NEXMIF: variants seen among roughly 807,000 people sequenced by gnomAD.
NEXMIF encodes neurite extension and migration factor.
Under a neutral mutation model 62.1 loss-of-function variants are expected in NEXMIF, and 8 were observed. The observed-to-expected ratio is 0.13, with a 90% CI of 0.08 to 0.23. NEXMIF has a LOEUF of 0.23. Ranked by LOEUF, NEXMIF falls within the 10% of genes least tolerant of loss-of-function variation. The pLI, the probability that NEXMIF is intolerant of heterozygous loss-of-function variation, is 1.00. For missense variants in NEXMIF, 976 were observed against 1,113.3 expected (o/e 0.88, Z 1.75); for synonymous variants, 404 against 416.6 (o/e 0.97, Z 0.37).
At chrX:74,802,106 T>A (rs143297802) in intron 1 of NEXMIF, among the ~76,000 whole-genome samples, 242 of 112,248 alleles carry the variant, frequency 2.2e-3, no homozygotes, top group African/African-American at 7.5e-3. Flanking sequence ...GTACAGCACC[T>A]CTGGACCTGC....
intron 1 of NEXMIF, among the ~76,000 whole-genome samples, chrX:74,890,009 C>CCTCTCTCT (rs72396692): frequency 1.0e-5 from 1 of 95,477 alleles, no homozygotes; most frequent in African/African-American, 3.7e-5. Context: ...TCTCTCTCTC[C>CCTCTCTCT]CTCTCTCTCT....
At chrX:74,862,851 A>C (rs2080562927) in intron 1 of NEXMIF, among the ~76,000 whole-genome samples, 1 of 111,395 alleles carries the variant, frequency 9.0e-6, no homozygotes, top group Non-Finnish European at 1.9e-5. Context: ...TTAAAAGGGA[A>C]ATTTATAGCA....
At chrX:74,852,234 T>A (rs1458047679) in intron 1 of NEXMIF, among the ~76,000 whole-genome samples, 1 of 111,822 alleles carries the variant, frequency 8.9e-6, no homozygotes, top group Non-Finnish European at 1.9e-5. Context: ...GGTCAATATA[T>A]AATGATACAG....
rs1378335383 is a variant in NEXMIF at position 74,881,417 on chromosome X, CACACACAG to C, written c.-48+43458_-48+43465del. Among the ~76,000 whole-genome samples the C allele has an allele frequency of 7.7e-5, 8 of 103,346 alleles. No individual in the cohort carries two copies. The East Asian group carries it at 2.8e-3, about 36-fold the overall frequency. 89.7% of individuals were successfully genotyped at this position (103,346 alleles called of 115,157 possible). A position where few individuals can be genotyped will look rare whatever the true frequency, so the allele number is the denominator to read the frequency against. On this transcript the variant is annotated intron_variant, in intron 1 of 3. Transcript: ENST00000055682. The stretch of plus-strand genomic sequence containing the variant: ...GCACACACACACACACACACACACA[CACACACAG>C]AGCAAATACAGGGGAAAAAGGCAGA...
At chrX:74,885,708 C>T (rs1000495502) in intron 1 of NEXMIF, among the ~76,000 whole-genome samples, 2 of 111,849 alleles carry the variant, frequency 1.8e-5, no homozygotes, top group Non-Finnish European at 1.9e-5. Flanking sequence ...CAGCTGAATT[C>T]TACCAGAGGT....
intron 1 of NEXMIF, among the ~76,000 whole-genome samples, chrX:74,882,064 A>G (rs1412544550): frequency 9.0e-6 from 1 of 111,585 alleles, no homozygotes; most frequent in Non-Finnish European, 1.9e-5. Context: ...CTCTCAGCAA[A>G]TTTTCATATT....
intron 1 of NEXMIF, among the ~76,000 whole-genome samples, chrX:74,751,453 T>C (rs1237490986): frequency 1.8e-5 from 2 of 110,240 alleles, no homozygotes; most frequent in African/African-American, 6.6e-5. Context: ...AATTTTTGTC[T>C]CTTTCTTTCT....
At chrX:74,773,220 G>A (rs73216276) in intron 1 of NEXMIF, among the ~76,000 whole-genome samples, 4,393 of 111,656 alleles carry the variant, frequency 0.039, 91 homozygotes, top group Non-Finnish European at 0.06. Flanking sequence ...ATATGGGAAG[G>A]AAAGATTAAT....
chrX:74,810,557 G>A (rs1388331025), intron 1 of NEXMIF, among the ~76,000 whole-genome samples: 6 of 107,202 alleles, frequency 5.6e-5, no homozygotes, highest in Non-Finnish European at 1.2e-4. Context: ...TTGGGAGGCC[G>A]AGGCGGGTGG....
intron 1 of NEXMIF, among the ~76,000 whole-genome samples, chrX:74,856,282 T>C (rs1423043500): frequency 8.9e-6 from 1 of 111,976 alleles, no homozygotes; most frequent in Non-Finnish European, 1.9e-5. Flanking sequence ...ATAAATCATA[T>C]GAAAAATTCA....
chrX:74,811,435 A>G (rs768103377), intron 1 of NEXMIF, among the ~76,000 whole-genome samples: 2 of 112,470 alleles, frequency 1.8e-5, no homozygotes, highest in African/African-American at 6.4e-5. Flanking sequence ...TGAAGTCTGC[A>G]TTTCAAGGTC....
At chrX:74,867,150 A>G (rs949391647) in intron 1 of NEXMIF, among the ~76,000 whole-genome samples, 1 of 112,108 alleles carries the variant, frequency 8.9e-6, no homozygotes, top group Non-Finnish European at 1.9e-5. Flanking sequence ...ACATGAAAAA[A>G]CATTCCATGC....
intron 1 of NEXMIF, among the ~76,000 whole-genome samples, chrX:74,829,865 G>A (rs2080430282): frequency 9.0e-6 from 1 of 111,597 alleles, no homozygotes; most frequent in Non-Finnish European, 1.9e-5. Context: ...GGAAATGTCT[G>A]TTCAAATCTT....
intron 1 of NEXMIF, among the ~76,000 whole-genome samples, chrX:74,802,644 A>G (rs2080333169): frequency 9.0e-6 from 1 of 110,532 alleles, no homozygotes; most frequent in African/African-American, 3.3e-5. Flanking sequence ...CAACTCTTCA[A>G]TGTTCACAGA....
In NEXMIF at chrX:74,740,086, T is replaced by G; in HGVS notation, c.4457+14A>C. ...TAAGGGTGCATCATCTCAGCCATAC[T>G]GGTGCAGTATTACCTCAGTTTTTCA... On this transcript the variant is annotated intron_variant, in intron 3 of 3. Coordinates refer to ENST00000055682, the MANE Select transcript of NEXMIF (RefSeq NM_001008537.3). 4.4e-5 allele frequency: 53 copies of G among 1,199,746 alleles called. No individual in the cohort carries two copies. Among genetic ancestry groups the G allele is most frequent in the Non-Finnish European group, 5.8e-5 (51 of 886,016 alleles).
Position 74,743,463 on chromosome X carries a change from T to C in NEXMIF, c.1094A>G (p.Lys365Arg), listed in dbSNP as rs1472054670. Residue 365 changes from lysine (K) to arginine (R), a missense_variant, in exon 3 of 4, where the codon AAG (lysine) becomes AGG (arginine). By Grantham distance (26) the Lys-to-Arg change is conservative. Coordinates refer to ENST00000055682, the MANE Select transcript of NEXMIF (RefSeq NM_001008537.3). Reference sequence around the variant, plus strand: ...CCAGATGATGCTCACATCAGGGACCTTGAATTGGGAAAAATCACTGCTCTG... The same window carrying C: ...CCAGATGATGCTCACATCAGGGACCCTGAATTGGGAAAAATCACTGCTCTG... ...LKQSSDFSQF[K>R]VPDVSIIWGE... 11 of 1,209,660 alleles carry C rather than the reference T, an allele frequency of 9.1e-6. No individual in the cohort carries two copies. The highest frequency in any genetic ancestry group is 3.5e-5 in the African/African-American group (2 of 57,028).
chrX:74,789,668 T>A (rs2147463122), intron 1 of NEXMIF, among the ~76,000 whole-genome samples: 1 of 110,782 alleles, frequency 9.0e-6, no homozygotes, highest in South Asian at 3.9e-4. Flanking sequence ...ATTGCCATTC[T>A]AACTGGTGTG....
chrX:74,873,098 T>C (rs2080610444), intron 1 of NEXMIF, among the ~76,000 whole-genome samples: 1 of 110,267 alleles, frequency 9.1e-6, no homozygotes, highest in Non-Finnish European at 1.9e-5. Context: ...CACTAACTCG[T>C]CATCTAGCAT....
At chrX:74,883,460 T>C (rs964812403) in intron 1 of NEXMIF, among the ~76,000 whole-genome samples, 3 of 111,756 alleles carry the variant, frequency 2.7e-5, no homozygotes, top group African/African-American at 9.8e-5. Context: ...AAGGACCTGA[T>C]GGAGATGAAA....
Sources: allele counts gnomAD v4.1 joint callset (sites outside exome capture counted in the v4.1 genomes callset), GRCh38; gene constraint gnomAD v4.1.1; transcripts MANE v1.5; gene names NCBI Gene and HGNC (gene_info 2026-07-23, HGNC 2026-07-21).